The following RNF220 variants were observed in gnomAD, a reference collection of about 807,000 sequenced individuals.
RNF220 encodes the protein ring finger protein 220, also known as E3 ubiquitin-protein ligase RNF220.
In RNF220, 7 loss-of-function variants were observed where a neutral mutation model predicts 67.1. The observed-to-expected ratio is 0.10, with a 90% CI of 0.06 to 0.20. The LOEUF is 0.20. Among genes scored for constraint, RNF220 ranks in the 10% least tolerant of loss-of-function variants. RNF220 has a pLI of 1.00. For synonymous variants in RNF220, 270 were observed against 283.2 expected (o/e 0.95, Z 0.47); for missense variants, 565 against 740.3 (o/e 0.76, Z 2.75).
chr1:44,486,214 G>A (rs961336814), intron 2 of RNF220, among the ~76,000 whole-genome samples: 16 of 126,744 alleles, frequency 1.3e-4, no homozygotes, highest in East Asian at 9.7e-4. Flanking sequence ...AAGAGCATTC[G>A]CCCAGAACAA....
At chr1:44,583,231 T>C (rs1572950354) in intron 2 of RNF220, among the ~76,000 whole-genome samples, 1 of 152,206 alleles carries the variant, frequency 6.6e-6, no homozygotes, top group East Asian at 1.9e-4. Flanking sequence ...TATATATATA[T>C]ACTTATACAA....
intron 2 of RNF220, among the ~76,000 whole-genome samples, chr1:44,505,026 C>A (rs907246249): frequency 6.6e-6 from 1 of 152,134 alleles, no homozygotes; most frequent in Admixed American, 6.5e-5. Flanking sequence ...AGCACTGTGC[C>A]CCTCGCTTTC....
At chr1:44,442,584 G>A (rs557969481) in intron 2 of RNF220, among the ~76,000 whole-genome samples, 7 of 144,758 alleles carry the variant, frequency 4.8e-5, no homozygotes, top group Non-Finnish European at 8.9e-5. Context: ...ATGTGGTCTC[G>A]CCTCACTGCA....
intron 2 of RNF220, among the ~76,000 whole-genome samples, chr1:44,413,327 T>G (rs1430283452): frequency 6.6e-6 from 1 of 152,230 alleles, no homozygotes; most frequent in East Asian, 1.9e-4. Context: ...CTCTTGGGAT[T>G]TCACAGGTTT....
At chr1:44,542,943 C>A (rs767973471) in intron 2 of RNF220, among the ~76,000 whole-genome samples, 50 of 151,992 alleles carry the variant, frequency 3.3e-4, no homozygotes, top group Non-Finnish European at 5.3e-4. Flanking sequence ...CAGGCCCGCT[C>A]CAGGGCCAGC....
At chr1:44,602,731 C>T (rs2148402152) in intron 2 of RNF220, among the ~76,000 whole-genome samples, 1 of 152,240 alleles carries the variant, frequency 6.6e-6, no homozygotes, top group South Asian at 2.1e-4. Flanking sequence ...TAGTTCTCTC[C>T]TCTCCAGACC....
intron 2 of RNF220, among the ~76,000 whole-genome samples, chr1:44,597,670 A>G: frequency 6.6e-6 from 1 of 152,026 alleles, no homozygotes; most frequent in East Asian, 1.9e-4. Context: ...AATGTCTCCC[A>G]GATGGCTCCG....
chr1:44,599,164 G>A (rs188881624), intron 2 of RNF220, among the ~76,000 whole-genome samples: 6 of 152,238 alleles, frequency 3.9e-5, no homozygotes, highest in Admixed American at 6.5e-5. Flanking sequence ...CTACGGGGTA[G>A]CCCTGCTCCA....
intron 2 of RNF220, among the ~76,000 whole-genome samples, chr1:44,536,982 C>A (rs1431211187): frequency 1.3e-5 from 2 of 148,728 alleles, no homozygotes; most frequent in African/African-American, 4.9e-5. Flanking sequence ...CCCTCCCTAC[C>A]CCTCGGTCCC....
chr1:44,452,002 G>A (rs1436220148), intron 2 of RNF220, among the ~76,000 whole-genome samples: 5 of 152,312 alleles, frequency 3.3e-5, no homozygotes, highest in Admixed American at 1.3e-4. Context: ...CTTAGAAGAC[G>A]TTATATGTTT....
chr1:44,424,953 C>T (rs982675463), intron 2 of RNF220, among the ~76,000 whole-genome samples: 2 of 152,218 alleles, frequency 1.3e-5, no homozygotes, highest in Non-Finnish European at 1.5e-5. Context: ...GTATGCTTTG[C>T]CAGCCTCCTC....
At chr1:44,508,918 A>G (rs1658691212) in intron 2 of RNF220, among the ~76,000 whole-genome samples, 1 of 152,092 alleles carries the variant, frequency 6.6e-6, no homozygotes, top group South Asian at 2.1e-4. Flanking sequence ...TGATGAAGAA[A>G]CTGGGACTCA....
intron 2 of RNF220, among the ~76,000 whole-genome samples, chr1:44,541,958 G>A (rs1228389092): frequency 6.6e-6 from 1 of 152,142 alleles, no homozygotes; most frequent in Non-Finnish European, 1.5e-5. Flanking sequence ...CAAGACCTTT[G>A]CATCTCTCGC....
At chr1:44,451,032 A>T (rs952784135) in intron 2 of RNF220, among the ~76,000 whole-genome samples, 6 of 152,044 alleles carry the variant, frequency 3.9e-5, no homozygotes, top group Non-Finnish European at 7.4e-5. Flanking sequence ...AAATACAAAA[A>T]ATTAGCGGGG....
chr1:44,631,933 A>AC, intron 5 of RNF220: 1 of 987,988 alleles, frequency 1.0e-6, no homozygotes, highest in Non-Finnish European at 1.2e-6. Context: ...GTGAACTTTC[A>AC]CCCCCAGCGC....
intron 2 of RNF220, among the ~76,000 whole-genome samples, chr1:44,438,973 G>T (rs148019608): frequency 2.0e-4 from 30 of 152,204 alleles, no homozygotes; most frequent in Non-Finnish European, 3.7e-4. Flanking sequence ...GTATTCCATT[G>T]CAGGGATGCA....
chr1:44,572,929 C>A, intron 2 of RNF220: 1 of 356,896 alleles, frequency 2.8e-6, no homozygotes, highest in Non-Finnish European at 5.7e-6. Flanking sequence ...AAAGATCCTC[C>A]AGGTGGAAAT....
At chr1:44,588,729 G>T (rs936349804) in intron 2 of RNF220, among the ~76,000 whole-genome samples, 4 of 152,218 alleles carry the variant, frequency 2.6e-5, no homozygotes, top group African/African-American at 9.6e-5. Flanking sequence ...GGTGGCTGGA[G>T]CTTAGGGCTG....
At position 44,621,388 on chromosome 1, in the gene RNF220, G is replaced by A. The variant is rs549692137; in HGVS notation, c.759-1354G>A. 2.6e-5 allele frequency among the ~76,000 whole-genome samples: 4 copies of A among 152,116 alleles called. No individual in the cohort carries two copies. The highest frequency in any genetic ancestry group is 4.4e-5 in the Non-Finnish European group (3 of 68,014). Reference sequence around the variant, plus strand: ...CTTTATACCAGGGTTTCTCAACCTCGGCACAGTTGACATTTGGGGTCAGAT... The same window carrying A: ...CTTTATACCAGGGTTTCTCAACCTCAGCACAGTTGACATTTGGGGTCAGAT... On this transcript the variant is annotated intron_variant, in intron 3 of 14. Coordinates refer to ENST00000361799, the MANE Select transcript of RNF220 (RefSeq NM_018150.4). The surrounding 1 kb of genome is among the most constrained non-coding windows in gnomAD (Gnocchi z 4.8).
Sources: gnomAD v4.1 joint callset for allele counts (sites outside exome capture counted in the v4.1 genomes callset) on GRCh38, gnomAD v4.1.1 for gene constraint, Gnocchi (gnomAD v3.1) non-coding constraint, MANE v1.5 for transcripts, NCBI Gene and HGNC (gene_info 2026-07-23, HGNC 2026-07-21) for gene names.